Variants in LARGE1 observed in about 807,000 individuals in gnomAD.
LARGE1 encodes the protein LARGE xylosyl- and glucuronyltransferase 1.
LARGE1 carries 43 observed loss-of-function variants against 87.6 expected under a neutral mutation model. That is an observed-to-expected ratio of 0.49 (90% CI 0.38 to 0.63). The LOEUF is 0.63. LARGE1 is among the 30% of genes least tolerant of loss of function. The pLI is 0.00. For synonymous variants in LARGE1, 434 were observed against 394.6 expected, an observed-to-expected ratio of 1.10 and a Z score of -1.18; for missense variants, 802 against 1,000.2, an observed-to-expected ratio of 0.80 and a Z score of 2.67.
chr22:33,559,774 C>T (rs1024539159), intron 6 of LARGE1, among the ~76,000 whole-genome samples: 1 of 152,030 alleles, frequency 6.6e-6, no homozygotes, highest in African/African-American at 2.4e-5. Flanking sequence ...CCAACTACAG[C>T]TACTTAAAGA....
intron 1 of LARGE1, among the ~76,000 whole-genome samples, chr22:33,834,799 G>A (rs1464659760): frequency 4.6e-5 from 7 of 152,072 alleles, no homozygotes; most frequent in Non-Finnish European, 1.0e-4. Context: ...TTTTAAAAAA[G>A]CCAAATGGTA....
At chr22:33,556,562 G>C in intron 6 of LARGE1, among the ~76,000 whole-genome samples, 1 of 101,878 alleles carries the variant, frequency 9.8e-6, no homozygotes, top group Non-Finnish European at 2.2e-5. Context: ...GAGGGAGGGA[G>C]GGAGGCAGGC....
chr22:33,753,926 G>A (rs2084412214), intron 2 of LARGE1, among the ~76,000 whole-genome samples: 1 of 152,076 alleles, frequency 6.6e-6, no homozygotes, highest in East Asian at 1.9e-4. Context: ...ACTGGGCATG[G>A]GGGTGGGCAC....
chr22:33,590,456 G>A (rs1437339567), intron 5 of LARGE1, among the ~76,000 whole-genome samples: 2 of 152,086 alleles, frequency 1.3e-5, no homozygotes, highest in African/African-American at 4.8e-5. Flanking sequence ...TCTTTTAAAC[G>A]TACAGTTCAA....
intron 12 of LARGE1, among the ~76,000 whole-genome samples, chr22:33,286,084 A>T (rs1353268787): frequency 6.6e-6 from 1 of 152,224 alleles, no homozygotes; most frequent in Non-Finnish European, 1.5e-5. Flanking sequence ...AGGTTCGTAA[A>T]GGACGACAGC....
intron 6 of LARGE1, among the ~76,000 whole-genome samples, chr22:33,454,365 A>G (rs2068049371): frequency 6.6e-6 from 1 of 152,100 alleles, no homozygotes. Context: ...CACACCTGTA[A>G]TCTCAGCACT....
chr22:33,565,111 A>C (rs914158786), intron 5 of LARGE1, 92 bp from the exon 6 acceptor site: 8 of 1,114,032 alleles, frequency 7.2e-6, no homozygotes, highest in Admixed American at 1.9e-5. Context: ...AGTGCCTAGC[A>C]CACAAAAAGT....
intron 6 of LARGE1, among the ~76,000 whole-genome samples, chr22:33,539,001 A>G (rs909934453): frequency 1.8e-4 from 27 of 152,262 alleles, no homozygotes; most frequent in Non-Finnish European, 1.0e-4. Flanking sequence ...TACATTAAAT[A>G]GATTAGAAAA....
intron 12 of LARGE1, among the ~76,000 whole-genome samples, chr22:33,286,978 C>A (rs867938802): frequency 8.6e-5 from 13 of 151,416 alleles, no homozygotes; most frequent in Non-Finnish European, 1.6e-4. Context: ...GACACTTGAC[C>A]CAGGCTGAGC....
chr22:33,712,681 TG>T (rs2082771238), intron 2 of LARGE1, among the ~76,000 whole-genome samples: 1 of 143,236 alleles, frequency 7.0e-6, no homozygotes. Context: ...TGTGTGTGTG[TG>T]TGTCTGCATG....
At chr22:33,781,757 A>G (rs1007840529) in intron 1 of LARGE1, among the ~76,000 whole-genome samples, 2 of 152,238 alleles carry the variant, frequency 1.3e-5, no homozygotes, top group African/African-American at 4.8e-5. Context: ...AAGTGACCGC[A>G]TTAGTCCATA....
At chr22:33,293,762 CAT>C (rs993091867) in intron 12 of LARGE1, among the ~76,000 whole-genome samples, 1 of 152,158 alleles carries the variant, frequency 6.6e-6, no homozygotes, top group African/African-American at 2.4e-5. Context: ...AGATTGGGAA[CAT>C]GTGTACTGAT....
intron 6 of LARGE1, among the ~76,000 whole-genome samples, chr22:33,481,207 T>C (rs536985532): frequency 1.3e-4 from 19 of 149,772 alleles, no homozygotes; most frequent in Middle Eastern, 3.4e-3. Flanking sequence ...TTTATTATCA[T>C]TGGCACTATA....
chr22:33,432,237 G>A lies in LARGE1; in HGVS notation c.816C>T (p.Asn272=). 6.2e-7 allele frequency: 1 copy of A among 1,614,084 alleles called. No individual in the cohort carries two copies. The highest frequency in any genetic ancestry group is 8.5e-7 in the Non-Finnish European group (1 of 1,179,994). Residue 272 remains asparagine (N), a synonymous_variant, in exon 7 of 15, where the codon AAC becomes AAT. Coordinates refer to ENST00000397394, the MANE Select transcript of LARGE1 (RefSeq NM_133642.5). ...GGTTTCCAAGGTACCAGTCACTCTG[G>A]TTCTCCACCAAGCCCAGGACTTGCT... The part of the protein sequence containing the change: ...KGQQVLGLVE[N]QSDWYLGNLW...
intron 6 of LARGE1, among the ~76,000 whole-genome samples, chr22:33,512,540 C>T (rs562895377): frequency 9.2e-4 from 140 of 152,216 alleles, no homozygotes; most frequent in Non-Finnish European, 1.1e-3. Context: ...CAGTGGCTCA[C>T]GCCTGTAATC....
chr22:33,503,582 C>T (rs530116758), intron 6 of LARGE1, among the ~76,000 whole-genome samples: 4 of 151,960 alleles, frequency 2.6e-5, no homozygotes, highest in East Asian at 3.9e-4. Context: ...GGGTGGATCA[C>T]GAGGTCAGGA....
At chr22:33,382,120 C>T (rs1286968178) in intron 8 of LARGE1, 76 bp from the exon 9 acceptor site, 7 of 1,590,932 alleles carry the variant, frequency 4.4e-6, no homozygotes, top group Non-Finnish European at 6.0e-6. Flanking sequence ...CAAGGCACTG[C>T]ATCCCCTGTG....
intron 7 of LARGE1, among the ~76,000 whole-genome samples, chr22:33,411,490 A>T (rs1318910521): frequency 1.3e-5 from 2 of 152,254 alleles, no homozygotes; most frequent in Non-Finnish European, 2.9e-5. Context: ...ACATGCATAC[A>T]TAAACATGCA....
intron 1 of LARGE1, among the ~76,000 whole-genome samples, chr22:33,804,559 A>G (rs909728367): frequency 7.2e-5 from 11 of 152,206 alleles, no homozygotes; most frequent in African/African-American, 2.7e-4. Flanking sequence ...CACACTTACC[A>G]GGCACACACC....
Sources: gnomAD v4.1 joint callset for allele counts (sites outside exome capture counted in the v4.1 genomes callset) on GRCh38, gnomAD v4.1.1 for gene constraint, MANE v1.5 for transcripts, NCBI Gene and HGNC (gene_info 2026-07-23, HGNC 2026-07-21) for gene names.